CNTNAP3B: variants seen among roughly 807,000 people sequenced by gnomAD.
The protein encoded by CNTNAP3B is contactin associated protein family member 3B.
A neutral mutation model predicts 108.9 loss-of-function variants in CNTNAP3B; 25 were observed. The ratio of observed to expected loss-of-function variants is 0.23; its 90% confidence interval spans 0.17 to 0.32. CNTNAP3B has a LOEUF of 0.32. Ranked by LOEUF, CNTNAP3B falls within the 10% of genes least tolerant of loss-of-function variation. The probability of loss-of-function intolerance (pLI) is 1.00; values close to 1 mark genes in which losing one functional copy is unlikely to be tolerated. For synonymous variants in CNTNAP3B, 103 were observed against 473.4 expected (o/e 0.22, Z 10.16); for missense variants, 252 against 1,210.4 (o/e 0.21, Z 11.75).
At chr9:42,116,334 ACT>A (rs1828316460) in intron 1 of CNTNAP3B, among the ~76,000 whole-genome samples, 1 of 129,048 alleles carries the variant, frequency 7.7e-6, no homozygotes, top group South Asian at 2.6e-4. Context: ...CTCGGCAGAA[ACT>A]CTACAAGCCA....
intron 12 of CNTNAP3B, 99 bp from the exon 13 acceptor site, chr9:41,953,485 T>C: frequency 1.4e-6 from 2 of 1,404,436 alleles, no homozygotes; most frequent in Non-Finnish European, 1.9e-6. Context: ...TTAATTGAAA[T>C]TTACATTACT....
At chr9:41,953,547 C>T (rs1161353027) in intron 12 of CNTNAP3B, among the ~76,000 whole-genome samples, 161 bp from the exon 13 acceptor site, 1 of 151,464 alleles carries the variant, frequency 6.6e-6, no homozygotes, top group Non-Finnish European at 1.5e-5. Flanking sequence ...TGTACTGAGC[C>T]AGAACTCAGC....
intron 3 of CNTNAP3B, among the ~76,000 whole-genome samples, chr9:42,044,630 C>A (rs970686652): frequency 2.4e-4 from 35 of 144,258 alleles, no homozygotes; most frequent in African/African-American, 8.6e-4. Context: ...CCGACTCAGA[C>A]GGGGTCCGAA....
intron 3 of CNTNAP3B, among the ~76,000 whole-genome samples, chr9:42,042,181 T>C (rs1418091790): frequency 7.7e-6 from 1 of 130,474 alleles, no homozygotes. Context: ...TGTATACATA[T>C]GTAACAAACC....
At chr9:41,981,913 T>TAAA (rs1196030575) in intron 9 of CNTNAP3B, among the ~76,000 whole-genome samples, 1 of 44,032 alleles carries the variant, frequency 2.3e-5, no homozygotes, top group Non-Finnish European at 5.0e-5. Flanking sequence ...ATAATAATAA[T>TAAA]AATAAATTAG....
intron 17 of CNTNAP3B, among the ~76,000 whole-genome samples, chr9:41,921,820 G>A (rs1161486640): frequency 1.3e-5 from 2 of 149,984 alleles, no homozygotes; most frequent in Admixed American, 6.7e-5. Flanking sequence ...AGGAAAACCG[G>A]GAGTGGGCTC....
chr9:42,121,619 G>C (rs1217889047), intron 1 of CNTNAP3B, among the ~76,000 whole-genome samples: 2 of 140,004 alleles, frequency 1.4e-5, no homozygotes, highest in Non-Finnish European at 3.1e-5. Flanking sequence ...AATGAGGACA[G>C]TAGAATCAAC....
intron 3 of CNTNAP3B, among the ~76,000 whole-genome samples, chr9:42,044,868 C>G (rs1826839719): frequency 8.5e-6 from 1 of 118,310 alleles, no homozygotes; most frequent in African/African-American, 3.3e-5. Flanking sequence ...AAATCCTGAG[C>G]AATATAAAAC....
intron 2 of CNTNAP3B, among the ~76,000 whole-genome samples, chr9:42,080,317 T>A (rs1827586842): frequency 7.3e-6 from 1 of 137,782 alleles, no homozygotes; most frequent in Non-Finnish European, 1.5e-5. Flanking sequence ...TAAGCTATAT[T>A]TTCAGCCATT....
In CNTNAP3B at chr9:42,122,503, A is replaced by G. The variant is rs1326017774; in HGVS notation, c.85+6507T>C. Among the ~76,000 whole-genome samples, 2 of 126,596 alleles carry G rather than the reference A, an allele frequency of 1.6e-5. 1 individual carries two copies. Among genetic ancestry groups the G allele is most frequent in the Admixed American group, 1.6e-4 (2 of 12,318 alleles). The allele number at this position is 126,596 out of a possible 152,430, so 83.1% of individuals were successfully genotyped here. On this transcript the variant is annotated intron_variant, in intron 1 of 23. Transcript: ENST00000377561. ...CTGTGGACTTTTATCCTGGTGTTGTACAGCAGTTCAAATTAGCACAAGAAT... is the reference window on the plus strand; with the variant it reads ...CTGTGGACTTTTATCCTGGTGTTGTGCAGCAGTTCAAATTAGCACAAGAAT...
At chr9:42,122,092 T>A (rs1284285996) in intron 1 of CNTNAP3B, among the ~76,000 whole-genome samples, 1 of 139,776 alleles carries the variant, frequency 7.2e-6, no homozygotes, top group Non-Finnish European at 1.5e-5. Flanking sequence ...AAGTTTTCTA[T>A]GGGCAGCAGG....
At chr9:41,964,959 T>C (rs1284486027) in intron 10 of CNTNAP3B, among the ~76,000 whole-genome samples, 1 of 152,242 alleles carries the variant, frequency 6.6e-6, no homozygotes, top group African/African-American at 2.4e-5. Context: ...CTATGAAATA[T>C]GGCATGCTCA....
rs1273832291 is a variant in CNTNAP3B, at chr9:41,929,189, T to C, written c.2365+128A>G. ...CTGTGCCTTTATGGTATGTGTGTTT[T>C]CCTGATATTCGCCCCAGTCCTAGTA... On this transcript the variant is annotated intron_variant, in intron 15 of 23. Transcript: ENST00000377561. 29 of 1,391,082 alleles carry C rather than the reference T, an allele frequency of 2.1e-5. 2 individuals are homozygous for C. The South Asian group carries it at 2.6e-4, about 12-fold the overall frequency. 86.2% of individuals were successfully genotyped at this position (1,391,082 alleles called of 1,614,324 possible).
chr9:41,927,679 T>C (rs1278897642), intron 15 of CNTNAP3B, among the ~76,000 whole-genome samples: 2 of 151,396 alleles, frequency 1.3e-5, no homozygotes, highest in Non-Finnish European at 2.9e-5. Flanking sequence ...TTCAGTAAAA[T>C]AAGAGCTAAA....
At chr9:41,943,406 G>C (rs1305141941) in intron 13 of CNTNAP3B, among the ~76,000 whole-genome samples, 1 of 144,596 alleles carries the variant, frequency 6.9e-6, no homozygotes, top group Non-Finnish European at 1.5e-5. Context: ...AGGCTGGAGT[G>C]CAGTGGTGCA....
At chr9:42,126,715 G>T (rs1419433821) in intron 1 of CNTNAP3B, among the ~76,000 whole-genome samples, 2 of 136,054 alleles carry the variant, frequency 1.5e-5, no homozygotes, top group Middle Eastern at 3.5e-3. Flanking sequence ...AATTACAGAT[G>T]CCTGCCACCA....
intron 9 of CNTNAP3B, among the ~76,000 whole-genome samples, chr9:41,978,791 A>G: frequency 1.4e-5 from 2 of 142,790 alleles, no homozygotes; most frequent in African/African-American, 5.4e-5. Context: ...GCAGATTTTC[A>G]ATGACTTCAC....
At chr9:41,935,320 C>A (rs1208734385) in intron 14 of CNTNAP3B, among the ~76,000 whole-genome samples, 1 of 152,216 alleles carries the variant, frequency 6.6e-6, no homozygotes, top group African/African-American at 2.4e-5. Context: ...ATTAACAATA[C>A]TGCCTGCCCC....
intron 3 of CNTNAP3B, among the ~76,000 whole-genome samples, chr9:42,056,155 G>T (rs2118555684): frequency 7.5e-6 from 1 of 132,892 alleles, no homozygotes; most frequent in Non-Finnish European, 1.6e-5. Context: ...TTAATTTTAA[G>T]AGACTTTAAA....
Sources: gnomAD v4.1 joint callset for allele counts (sites outside exome capture counted in the v4.1 genomes callset) on GRCh38, gnomAD v4.1.1 for gene constraint, MANE v1.5 for transcripts, NCBI Gene and HGNC (gene_info 2026-07-23, HGNC 2026-07-21) for gene names.